Variants in INPP5A observed in about 807,000 individuals in gnomAD.
INPP5A encodes the protein 43 kDa inositol polyphosphate 5-phophatase.
A neutral mutation model predicts 65.2 loss-of-function variants in INPP5A; 14 were observed. The observed-to-expected ratio is 0.21, with a 90% CI of 0.14 to 0.34. INPP5A has a LOEUF of 0.34. INPP5A is among the 10% of genes least tolerant of loss of function. INPP5A has a pLI of 1.00. For synonymous variants in INPP5A, 207 were observed against 208.3 expected, an observed-to-expected ratio of 0.99 and a Z score of 0.05; for missense variants, 431 against 545.6, an observed-to-expected ratio of 0.79 and a Z score of 2.09.
intron 4 of INPP5A, among the ~76,000 whole-genome samples, chr10:132,677,044 C>T (rs1370399769): frequency 1.2e-5 from 1 of 80,300 alleles, no homozygotes; most frequent in South Asian, 4.8e-4. Context: ...TGACCCCCAC[C>T]ATCACCCAGG....
At chr10:132,541,204 C>A (rs368955375) in intron 1 of INPP5A, among the ~76,000 whole-genome samples, 1 of 152,174 alleles carries the variant, frequency 6.6e-6, no homozygotes, top group African/African-American at 2.4e-5. Flanking sequence ...TCTGGAACTC[C>A]TGGGCCCAAG....
chr10:132,621,459 G>A (rs917409908), intron 2 of INPP5A, among the ~76,000 whole-genome samples: 2 of 152,230 alleles, frequency 1.3e-5, no homozygotes, highest in African/African-American at 4.8e-5. Flanking sequence ...TGAGGCCTCA[G>A]TGTGTGTTCA....
chr10:132,548,846 G>T (rs1416333954), intron 1 of INPP5A, among the ~76,000 whole-genome samples: 1 of 147,084 alleles, frequency 6.8e-6, no homozygotes, highest in Non-Finnish European at 1.5e-5. Flanking sequence ...ACCTAGGCTG[G>T]AGTGCGGTGG....
At chr10:132,542,886 G>C (rs1590816335) in intron 1 of INPP5A, among the ~76,000 whole-genome samples, 1 of 152,164 alleles carries the variant, frequency 6.6e-6, no homozygotes, top group Admixed American at 6.5e-5. Flanking sequence ...TTGAACTCCT[G>C]GGCTGAAGTG....
chr10:132,625,004 G>A (rs2072163289), intron 2 of INPP5A, among the ~76,000 whole-genome samples: 2 of 151,868 alleles, frequency 1.3e-5, no homozygotes, highest in Admixed American at 1.3e-4. Flanking sequence ...CTGCCACCCT[G>A]CCCACGCCAC....
intron 2 of INPP5A, among the ~76,000 whole-genome samples, chr10:132,638,421 G>A (rs1342809805): frequency 1.3e-5 from 2 of 152,150 alleles, no homozygotes; most frequent in Admixed American, 6.5e-5. Context: ...TCCCTCTCTT[G>A]TGGTGTTTCT....
At chr10:132,680,519 T>C (rs539639050) in intron 4 of INPP5A, among the ~76,000 whole-genome samples, 97 of 152,344 alleles carry the variant, frequency 6.4e-4, no homozygotes, top group African/African-American at 2.3e-3. Context: ...CAGCCCTCGC[T>C]CGCTCTCGGC....
At chr10:132,712,975 TGTGGATGCATGTGTGCTAAG>T in intron 8 of INPP5A, among the ~76,000 whole-genome samples, 1 of 149,396 alleles carries the variant, frequency 6.7e-6, no homozygotes. Context: ...TGTGGATCTG[TGTGGATGCATGTGTGCTAAG>T]GTGTATGCAT....
intron 9 of INPP5A, among the ~76,000 whole-genome samples, chr10:132,729,746 C>T (rs1846048974): frequency 6.6e-6 from 1 of 152,226 alleles, no homozygotes. Flanking sequence ...TTCCCATCAC[C>T]AATAAACCAG....
rs768748252 is a variant in INPP5A, at chr10:132,707,700, T to C, written c.475-613T>C. Among the ~76,000 whole-genome samples, 16 of 152,166 alleles carry C rather than the reference T, an allele frequency of 1.1e-4. No individual in the cohort carries two copies. The highest frequency in any genetic ancestry group is 2.2e-4 in the Non-Finnish European group (15 of 68,032). The stretch of plus-strand genomic sequence containing the variant: ...TTGGAATCTCATGCTGTTGACTGTT[T>C]CACTTGAATTTTGGGGGTACTTTTA... On this transcript the variant is annotated intron_variant, in intron 6 of 15. Coordinates refer to ENST00000368594, the MANE Select transcript of INPP5A (RefSeq NM_005539.5). The surrounding 1 kb of genome is among the most constrained non-coding windows in gnomAD (Gnocchi z 5.5).
Position 132,538,432 on chromosome 10 carries a change from T to A in INPP5A, c.75+261T>A, listed in dbSNP as rs541522978. 4.6e-5 allele frequency among the ~76,000 whole-genome samples: 7 copies of A among 152,258 alleles called. No individual in the cohort carries two copies. The South Asian group carries it at 1.5e-3, about 32-fold the overall frequency. On this transcript the variant is annotated intron_variant, in intron 1 of 15. Coordinates refer to ENST00000368594, the MANE Select transcript of INPP5A (RefSeq NM_005539.5). The surrounding 1 kb of genome is among the most constrained non-coding windows in gnomAD (Gnocchi z 4.1). ...ACCCCATCCTCCAGACTCCAGCAGCTGACCGTTGACCCTGGGACCCTGCCT... is the reference window on the plus strand; with the variant it reads ...ACCCCATCCTCCAGACTCCAGCAGCAGACCGTTGACCCTGGGACCCTGCCT...
At chr10:132,760,331 C>T (rs1401412957) in intron 11 of INPP5A, among the ~76,000 whole-genome samples, 2 of 152,208 alleles carry the variant, frequency 1.3e-5, no homozygotes, top group Non-Finnish European at 2.9e-5. Context: ...GGAGGCAGAG[C>T]CAGGGTCGGA....
intron 9 of INPP5A, among the ~76,000 whole-genome samples, chr10:132,742,281 C>A (rs1232425231): frequency 6.6e-6 from 1 of 152,212 alleles, no homozygotes; most frequent in South Asian, 2.1e-4. Context: ...TGATGCAGCC[C>A]CGACCTGGGC....
intron 1 of INPP5A, among the ~76,000 whole-genome samples, chr10:132,572,257 A>T (rs962134854): frequency 1.3e-5 from 2 of 152,212 alleles, no homozygotes; most frequent in Non-Finnish European, 2.9e-5. Flanking sequence ...CTTCAGAAGA[A>T]TGTCGGAGTT....
chr10:132,598,604 A>G (rs1049724722), intron 1 of INPP5A, among the ~76,000 whole-genome samples: 1 of 152,214 alleles, frequency 6.6e-6, no homozygotes, highest in Non-Finnish European at 1.5e-5. Context: ...ATAGACCACA[A>G]TTGTATCCAT....
At chr10:132,766,044 CTG>C (rs775676149) in intron 12 of INPP5A, among the ~76,000 whole-genome samples, 198 bp downstream of exon 12, 13 of 152,068 alleles carry the variant, frequency 8.5e-5, no homozygotes, top group African/African-American at 2.2e-4. Flanking sequence ...ACAGGTGCGT[CTG>C]TGTGTGAACG....
In INPP5A at chr10:132,547,636, A is replaced by G. The variant is rs971866512; in HGVS notation, c.75+9465A>G. Among the ~76,000 whole-genome samples the G allele has an allele frequency of 3.3e-5, 5 of 152,072 alleles. No homozygotes were observed. The highest frequency in any genetic ancestry group is 1.2e-4 in the African/African-American group (5 of 41,388). ...CTACCCAAGCGCCCGTGGCCTGAAC[A>G]GGACTTGGTTTTTCAGGCCTTCATG... On this transcript the variant is annotated intron_variant, in intron 1 of 15. Coordinates refer to ENST00000368594, the MANE Select transcript of INPP5A (RefSeq NM_005539.5). The surrounding 1 kb of genome is among the most constrained non-coding windows in gnomAD (Gnocchi z 5.5).
At chr10:132,605,309 G>A (rs1337640767) in intron 1 of INPP5A, among the ~76,000 whole-genome samples, 2 of 115,724 alleles carry the variant, frequency 1.7e-5, no homozygotes, top group Non-Finnish European at 3.6e-5. Flanking sequence ...GAGTGAGGGG[G>A]AAGCAGCTGG....
intron 1 of INPP5A, among the ~76,000 whole-genome samples, chr10:132,561,051 A>AC (rs1172071403): frequency 2.2e-5 from 3 of 135,366 alleles, no homozygotes; most frequent in African/African-American, 8.4e-5. Context: ...CGTTTGAAGC[A>AC]CTTTTTTTTT....
Sources: allele counts gnomAD v4.1 joint callset (sites outside exome capture counted in the v4.1 genomes callset), GRCh38; gene constraint gnomAD v4.1.1; non-coding constraint Gnocchi (gnomAD v3.1); transcripts MANE v1.5; gene names NCBI Gene and HGNC (gene_info 2026-07-23, HGNC 2026-07-21).